The following HACE1 variants were observed in gnomAD, a reference collection of about 807,000 sequenced individuals.
HACE1 encodes the protein E3 ubiquitin-protein ligase HACE1.
Under a neutral mutation model 118.4 loss-of-function variants are expected in HACE1, and 73 were observed. The ratio of observed to expected loss-of-function variants is 0.62; its 90% CI spans 0.51 to 0.75. HACE1 has a LOEUF of 0.75. Among genes scored for constraint, HACE1 ranks in the 30% least tolerant of loss-of-function variants. The pLI, the probability that HACE1 is intolerant of heterozygous loss-of-function variation, is 0.00. For missense variants in HACE1, 749 were observed against 1,102.2 expected, an observed-to-expected ratio of 0.68 and a Z score of 4.54; for synonymous variants, 368 against 374.8, an observed-to-expected ratio of 0.98 and a Z score of 0.21.
chr6:104,736,098 T>C (rs1775797482), intron 22 of HACE1, among the ~76,000 whole-genome samples: 1 of 151,838 alleles, frequency 6.6e-6, no homozygotes, highest in Admixed American at 6.6e-5. Flanking sequence ...CTATCTGAAT[T>C]GTCAAATTAT....
chr6:104,752,658 T>C (rs1377112387), intron 19 of HACE1, among the ~76,000 whole-genome samples: 4 of 152,132 alleles, frequency 2.6e-5, no homozygotes, highest in Admixed American at 1.3e-4. Flanking sequence ...TTACCTATTT[T>C]AATTGCATTC....
chr6:104,758,442 C>A (rs1778961521), intron 19 of HACE1, among the ~76,000 whole-genome samples: 2 of 152,114 alleles, frequency 1.3e-5, no homozygotes, highest in African/African-American at 4.8e-5. Context: ...TCATATCCAG[C>A]CAAACTAAGC....
chr6:104,749,897 T>C (rs1295084158), intron 20 of HACE1, among the ~76,000 whole-genome samples: 2 of 152,082 alleles, frequency 1.3e-5, no homozygotes, highest in Non-Finnish European at 2.9e-5. Flanking sequence ...TAAAATTATA[T>C]ATATGGCAAT....
intron 6 of HACE1, among the ~76,000 whole-genome samples, chr6:104,830,758 C>CTTTT (rs3035081): frequency 0.032 from 4,230 of 132,888 alleles, 332 homozygotes; most frequent in African/African-American, 0.11. Flanking sequence ...AAATTACATT[C>CTTTT]TTTTTTTTTT....
rs1037652569 is a variant in HACE1, at chr6:104,729,197, T to C, written c.*465A>G. ...GGCAAAATACGTATTTGTGGCTTTA[T>C]AGACAATCTAAATCCATTCTATACA... is the stretch of plus-strand genomic sequence containing the variant. On this transcript the variant is annotated 3_prime_UTR_variant, in exon 24 of 24. Transcript: ENST00000262903. The C allele has an allele frequency of 2.5e-5, 4 of 158,078 alleles. No homozygotes were observed. Among genetic ancestry groups the C allele is most frequent in the Non-Finnish European group, 5.6e-5 (4 of 71,558 alleles). 9.8% of individuals were successfully genotyped at this position (158,078 alleles called of 1,614,324 possible).
chr6:104,773,901 T>C (rs1418299127), intron 17 of HACE1, among the ~76,000 whole-genome samples: 1 of 151,922 alleles, frequency 6.6e-6, no homozygotes, highest in Non-Finnish European at 1.5e-5. Context: ...ATAGCTGTGA[T>C]TCCCCCAACT....
At chr6:104,844,305 G>C (rs1246566956) in intron 4 of HACE1, among the ~76,000 whole-genome samples, 1 of 151,082 alleles carries the variant, frequency 6.6e-6, no homozygotes, top group African/African-American at 2.4e-5. Flanking sequence ...AAAGTGCAGG[G>C]ATTACAGGCG....
At chr6:104,848,153 T>C (rs1366442645) in intron 4 of HACE1, among the ~76,000 whole-genome samples, 3 of 151,306 alleles carry the variant, frequency 2.0e-5, no homozygotes, top group Non-Finnish European at 3.0e-5. Flanking sequence ...AAAGAAGTTT[T>C]ACAGTGTTTG....
At chr6:104,773,435 C>T (rs1446434957) in intron 17 of HACE1, among the ~76,000 whole-genome samples, 2 of 151,984 alleles carry the variant, frequency 1.3e-5, no homozygotes, top group Non-Finnish European at 1.5e-5. Flanking sequence ...ATGGGAATAA[C>T]CTAAATAAGT....
chr6:104,759,006 C>T lies in HACE1; in HGVS notation c.2212-8534G>A, dbSNP rs561401802. ...CAATGCAACAAGAAGAGCTAAATGA[C>T]CTAAATATGTATGCACCCAATACAG... On this transcript the variant is annotated intron_variant, in intron 19 of 23. Transcript: ENST00000262903. 3.3e-5 allele frequency among the ~76,000 whole-genome samples: 5 copies of T among 152,190 alleles called. No individual in the cohort carries two copies. In the East Asian group the frequency reaches 9.7e-4, roughly 29 times the overall value.
At chr6:104,735,237 A>G (rs1267403679) in intron 22 of HACE1, among the ~76,000 whole-genome samples, 2 of 152,092 alleles carry the variant, frequency 1.3e-5, no homozygotes, top group Non-Finnish European at 2.9e-5. Flanking sequence ...TATAAACAAC[A>G]CTTAAAACTG....
chr6:104,857,226 T>C (rs1388653616), intron 1 of HACE1, among the ~76,000 whole-genome samples: 1 of 148,996 alleles, frequency 6.7e-6, no homozygotes, highest in Admixed American at 6.7e-5. Flanking sequence ...TATTCCTATA[T>C]GTATGATATA....
At chr6:104,780,969 C>T (rs1054341396) in intron 14 of HACE1, among the ~76,000 whole-genome samples, 2 of 152,022 alleles carry the variant, frequency 1.3e-5, no homozygotes, top group African/African-American at 4.8e-5. Flanking sequence ...ATGATTCCTC[C>T]TGATTAGATT....
In HACE1 at chr6:104,777,289, T is replaced by C; in HGVS notation, c.1595A>G (p.Tyr532Cys). ...TGGCTGTCCTGAATGCAAATGTTCA[T>C]AGAACCATTCACAGCGATCTTTAAA... ...QPFKDRCEWFYEHLHSGQPDS... is the reference protein window; with the variant it reads ...QPFKDRCEWFCEHLHSGQPDS... Residue 532 changes from tyrosine to cysteine, a missense_variant, in exon 15 of 24, where the codon TAT becomes TGT. Tyr to Cys is a radical substitution (Grantham distance 194, BLOSUM62 -2). This residue lies in a region of HACE1 where 195 missense variants were observed against 322.1 expected (regional missense o/e 0.61). Coordinates refer to ENST00000262903, the MANE Select transcript of HACE1 (RefSeq NM_020771.4). 1.9e-6 allele frequency: 3 copies of C among 1,612,884 alleles called. No individual in the cohort carries two copies. The highest frequency in any genetic ancestry group is 1.7e-6 in the Non-Finnish European group (2 of 1,178,796).
intron 22 of HACE1, 110 bp from the exon 23 acceptor site, chr6:104,730,526 C>A: frequency 1.4e-6 from 1 of 692,030 alleles, no homozygotes; most frequent in South Asian, 1.5e-5. Context: ...AGGACAATGA[C>A]AACACGACAC....
At chr6:104,781,723 C>T (rs1781764417) in intron 14 of HACE1, among the ~76,000 whole-genome samples, 1 of 152,062 alleles carries the variant, frequency 6.6e-6, no homozygotes, top group Non-Finnish European at 1.5e-5. Flanking sequence ...CAGCTGCAAC[C>T]ACCGCCAACA....
intron 22 of HACE1, among the ~76,000 whole-genome samples, chr6:104,739,087 G>C (rs893933563): frequency 1.9e-4 from 29 of 151,594 alleles, no homozygotes; most frequent in Non-Finnish European, 4.1e-4. Context: ...AAGCGAAGGA[G>C]AAATAAAATA....
At chr6:104,855,274 C>G (rs1776607672) in intron 1 of HACE1, among the ~76,000 whole-genome samples, 1 of 152,038 alleles carries the variant, frequency 6.6e-6, no homozygotes, top group South Asian at 2.1e-4. Context: ...GAAACCCCAT[C>G]TCTACTAAAA....
intron 19 of HACE1, among the ~76,000 whole-genome samples, chr6:104,768,454 T>C (rs1157631438): frequency 6.6e-6 from 1 of 152,180 alleles, no homozygotes; most frequent in East Asian, 1.9e-4. Context: ...GTAAACTGAA[T>C]ATCTTAACAA....
Sources: allele counts gnomAD v4.1 joint callset (sites outside exome capture counted in the v4.1 genomes callset), GRCh38; gene constraint gnomAD v4.1.1; regional missense constraint gnomAD v4.1.1; transcripts MANE v1.5; gene names NCBI Gene and HGNC (gene_info 2026-07-23, HGNC 2026-07-21).